The following RPA1 variants were observed in gnomAD, a reference collection of about 807,000 sequenced individuals.
RPA1 encodes the protein replication protein A1.
In RPA1, 49 loss-of-function variants were observed where a neutral mutation model predicts 83.0. That is an observed-to-expected ratio of 0.59 (90% CI 0.47 to 0.75). The LOEUF is 0.75. RPA1 is among the 30% of genes least tolerant of loss of function. The pLI is 0.00. For synonymous variants in RPA1, 279 were observed against 281.8 expected, an observed-to-expected ratio of 0.99 and a Z score of 0.10; for missense variants, 693 against 776.1, an observed-to-expected ratio of 0.89 and a Z score of 1.27.
In RPA1 at chr17:1,900,029, T is replaced by C. The variant is rs1194235902; in HGVS notation, c.*2854T>C. ...TCATCGGTTCCTCAAAAAGAGAGCA[T>C]AGATGTTTAATTTTCACTTATTCAA... On this transcript the variant is annotated 3_prime_UTR_variant, in exon 17 of 17. Transcript: ENST00000254719. 3.3e-5 allele frequency: 5 copies of C among 152,216 alleles called. No individual in the cohort carries two copies. The highest frequency in any genetic ancestry group is 1.2e-4 in the African/African-American group (5 of 41,446). 9.4% of individuals were successfully genotyped at this position (152,216 alleles called of 1,614,324 possible). A position where few individuals can be genotyped will look rare whatever the true frequency, so the allele number is the denominator to read the frequency against.
chr17:1,881,736 C>T (rs1227139429), intron 12 of RPA1, among the ~76,000 whole-genome samples: 1 of 152,176 alleles, frequency 6.6e-6, no homozygotes, highest in Non-Finnish European at 1.5e-5. Context: ...ATCATGATCC[C>T]AGTCAACATA....
chr17:1,846,860 T>C (rs1912283540), intron 4 of RPA1, among the ~76,000 whole-genome samples: 1 of 152,182 alleles, frequency 6.6e-6, no homozygotes, highest in South Asian at 2.1e-4. Context: ...GTACAGTTTT[T>C]AGTTTTCTCT....
intron 6 of RPA1, among the ~76,000 whole-genome samples, chr17:1,874,034 C>T (rs7503240): frequency 0.014 from 1,551 of 109,274 alleles, 19 homozygotes; most frequent in African/African-American, 0.052. Flanking sequence ...TATATATATA[C>T]ACACACACAC....
intron 5 of RPA1, among the ~76,000 whole-genome samples, chr17:1,861,590 A>C (rs982951936): frequency 8.5e-5 from 13 of 152,166 alleles, no homozygotes; most frequent in Non-Finnish European, 1.6e-4. Context: ...GTCTGTTTCA[A>C]ATCTCACAGC....
chr17:1,870,630 C>A (rs1913342687), intron 5 of RPA1, among the ~76,000 whole-genome samples: 2 of 152,224 alleles, frequency 1.3e-5, no homozygotes, highest in Admixed American at 1.3e-4. Context: ...CTCCATTCCC[C>A]ACTCCCGCCA....
intron 5 of RPA1, among the ~76,000 whole-genome samples, chr17:1,869,789 C>T (rs1913311694): frequency 6.6e-6 from 1 of 152,118 alleles, no homozygotes; most frequent in Admixed American, 6.6e-5. Context: ...TGGCCCCTTG[C>T]CATTCACAAC....
intron 5 of RPA1, among the ~76,000 whole-genome samples, chr17:1,870,807 ATTT>A (rs1265154917): frequency 6.6e-6 from 1 of 152,136 alleles, no homozygotes; most frequent in Non-Finnish European, 1.5e-5. Flanking sequence ...TCAGCAGGGG[ATTT>A]TCTAGTTTAG....
At position 1,899,643 on chromosome 17, in the gene RPA1, A is replaced by T. The variant is rs1567834745; in HGVS notation, c.*2468A>T. 1 of 152,132 alleles carries T rather than the reference A, an allele frequency of 6.6e-6. No individual in the cohort carries two copies. The highest frequency in any genetic ancestry group is 1.5e-5 in the Non-Finnish European group (1 of 68,044). 9.4% of individuals were successfully genotyped at this position (152,132 alleles called of 1,614,324 possible). Reference sequence around the variant, plus strand: ...TGAGTGGGCTGTCTTCAAAAAGTATAAATACTATTGATCGTGGTATTTAAT... The same window carrying T: ...TGAGTGGGCTGTCTTCAAAAAGTATTAATACTATTGATCGTGGTATTTAAT... On this transcript the variant is annotated 3_prime_UTR_variant, in exon 17 of 17. Coordinates refer to ENST00000254719, the MANE Select transcript of RPA1 (RefSeq NM_002945.5).
At chr17:1,853,512 G>A (rs537455513) in intron 5 of RPA1, among the ~76,000 whole-genome samples, 9 of 152,274 alleles carry the variant, frequency 5.9e-5, no homozygotes, top group Non-Finnish European at 8.8e-5. Flanking sequence ...GCAAAACTCC[G>A]TCTCTACTAA....
rs751641978 is a variant in RPA1 at position 1,877,278 on chromosome 17, A to T, written c.654A>T (p.Glu218Asp). 1 of 1,614,154 alleles carries T rather than the reference A, an allele frequency of 6.2e-7. No individual in the cohort carries two copies. Among genetic ancestry groups the T allele is most frequent in the East Asian group, 2.2e-5 (1 of 44,884 alleles). ...QIRTWSNSRGEGKLFSLELVD... is the reference protein window; with the variant it reads ...QIRTWSNSRGDGKLFSLELVD... Reference sequence around the variant, plus strand: ...GTACCTGGAGCAACTCCCGAGGGGAAGGGAAGCTTTTCTCCCTAGAACTGG... The same window carrying T: ...GTACCTGGAGCAACTCCCGAGGGGATGGGAAGCTTTTCTCCCTAGAACTGG... The change falls in exon 8 of 17, where the codon GAA (glutamate) becomes GAT (aspartate). Residue 218 changes from glutamate to aspartate, a missense_variant. Coordinates refer to ENST00000254719, the MANE Select transcript of RPA1 (RefSeq NM_002945.5).
chr17:1,840,762 C>A (rs375431387), intron 1 of RPA1, among the ~76,000 whole-genome samples: 6 of 152,218 alleles, frequency 3.9e-5, no homozygotes, highest in East Asian at 1.9e-4. Context: ...TTAAATATAT[C>A]CCTAAATAAT....
chr17:1,849,349 G>A (rs1487771734), intron 4 of RPA1, among the ~76,000 whole-genome samples: 3 of 144,446 alleles, frequency 2.1e-5, no homozygotes, highest in African/African-American at 7.9e-5. Context: ...CTGGAGTGCA[G>A]TGGTGCGATC....
chr17:1,852,918 G>A (rs3815611), intron 4 of RPA1, among the ~76,000 whole-genome samples, 183 bp from the exon 5 acceptor site: 29,602 of 152,146 alleles, frequency 0.19, 3,191 homozygotes, highest in East Asian at 0.41. Context: ...AACTAGTTGG[G>A]AACTGAAAAC....
chr17:1,883,680 T>C, intron 12 of RPA1, 132 bp from the exon 13 acceptor site: 1 of 877,976 alleles, frequency 1.1e-6, no homozygotes, highest in Non-Finnish European at 1.7e-6. Flanking sequence ...TCAGCCGACA[T>C]GACCGTGACC....
chr17:1,863,011 C>T, intron 5 of RPA1, among the ~76,000 whole-genome samples: 1 of 151,206 alleles, frequency 6.6e-6, no homozygotes, highest in East Asian at 2.0e-4. Context: ...AGCCACCGTG[C>T]CCGGCCAAGA....
chr17:1,863,388 T>G (rs1035533502), intron 5 of RPA1, among the ~76,000 whole-genome samples: 1 of 151,860 alleles, frequency 6.6e-6, no homozygotes, highest in Non-Finnish European at 1.5e-5. Context: ...ATTTTTTTTA[T>G]TTTTAGTAGA....
At chr17:1,871,823 C>T (rs528500108) in intron 5 of RPA1, among the ~76,000 whole-genome samples, 66 of 152,230 alleles carry the variant, frequency 4.3e-4, no homozygotes, top group African/African-American at 1.4e-3. Flanking sequence ...CCATTGTCAT[C>T]TCTCCCCGCT....
intron 5 of RPA1, among the ~76,000 whole-genome samples, chr17:1,856,194 G>A (rs774934587): frequency 4.0e-5 from 6 of 151,824 alleles, no homozygotes; most frequent in South Asian, 4.2e-4. Context: ...ATGTGGTGGC[G>A]CTCCTGCACC....
intron 7 of RPA1, 129 bp downstream of exon 7, chr17:1,875,922 CTTTT>C (rs371878374): frequency 0.015 from 7,855 of 531,258 alleles, no homozygotes; most frequent in East Asian, 0.019. Flanking sequence ...TGGGTTTACT[CTTTT>C]TTTTTTTTTT....
Sources: gnomAD v4.1 joint callset for allele counts (sites outside exome capture counted in the v4.1 genomes callset) on GRCh38, gnomAD v4.1.1 for gene constraint, MANE v1.5 for transcripts, NCBI Gene and HGNC (gene_info 2026-07-23, HGNC 2026-07-21) for gene names.